The following DIP2C variants were observed in gnomAD, a reference collection of about 807,000 sequenced individuals.
DIP2C encodes the protein DIP2 acetate--CoA ligase C (putative).
Under a neutral mutation model 192.4 loss-of-function variants are expected in DIP2C, and 33 were observed. The ratio of observed to expected loss-of-function variants is 0.17; its 90% confidence interval spans 0.13 to 0.23. The LOEUF (loss-of-function observed/expected upper bound fraction) is 0.23. Ranked by LOEUF, DIP2C falls within the 10% of genes least tolerant of loss-of-function variation. The probability of loss-of-function intolerance (pLI) is 1.00; values close to 1 mark genes in which losing one functional copy is unlikely to be tolerated. For synonymous variants in DIP2C, 979 were observed against 864.1 expected (o/e 1.13, Z -2.33); for missense variants, 1,537 against 2,110.1 (o/e 0.73, Z 5.32).
In DIP2C at chr10:472,572, G is replaced by A. The variant is rs770106798; in HGVS notation, c.158-23C>T. On this transcript the variant is annotated intron_variant, in intron 2 of 36. Transcript: ENST00000280886. ...CCCCTGGATTTCAATAAAAACAGCA[G>A]AGTGAGGTGTGACTGTACTCAGCGG... The A allele has an allele frequency of 3.8e-6, 6 of 1,596,684 alleles. No homozygotes were observed. In the African/African-American group the frequency reaches 8.1e-5, roughly 21 times the overall value.
At chr10:284,603 G>C (rs1170925898) in intron 34 of DIP2C, among the ~76,000 whole-genome samples, 1 of 152,214 alleles carries the variant, frequency 6.6e-6, no homozygotes, top group Non-Finnish European at 1.5e-5. Context: ...AGTGGCAAGG[G>C]GGAGATGACG....
intron 5 of DIP2C, among the ~76,000 whole-genome samples, chr10:422,352 G>T (rs1230951233): frequency 6.6e-6 from 1 of 152,172 alleles, no homozygotes; most frequent in Admixed American, 6.5e-5. Flanking sequence ...CTAACTTTGT[G>T]CTTTTTCTCA....
At chr10:626,224 G>C (rs943742275) in intron 1 of DIP2C, among the ~76,000 whole-genome samples, 3 of 152,220 alleles carry the variant, frequency 2.0e-5, no homozygotes, top group Non-Finnish European at 2.9e-5. Flanking sequence ...TCACTGTCCA[G>C]ATGGGAAACT....
intron 28 of DIP2C, among the ~76,000 whole-genome samples, chr10:344,539 C>G (rs1365042786): frequency 2.0e-5 from 3 of 152,180 alleles, no homozygotes; most frequent in African/African-American, 4.8e-5. Flanking sequence ...ATTTGAGAAC[C>G]AGCAAGAGAA....
At position 336,066 on chromosome 10, in the gene DIP2C, T is replaced by TA. The variant is rs769339224; in HGVS notation, c.3584+5132dup. On this transcript the variant is annotated intron_variant, in intron 29 of 36. Coordinates refer to ENST00000280886, the MANE Select transcript of DIP2C (RefSeq NM_014974.3). ...GCGCACACCACTACACCCGGCTAACTAAAAAAAAAATGTTTTTGTAGGCTA... is the reference window on the plus strand; with the variant it reads ...GCGCACACCACTACACCCGGCTAACTAAAAAAAAAAATGTTTTTGTAGGCTA... 1.1e-3 allele frequency among the ~76,000 whole-genome samples: 163 copies of TA among 149,158 alleles called. 1 individual carries two copies. The highest frequency in any genetic ancestry group is 3.4e-3 in the African/African-American group (140 of 40,764).
At chr10:422,364 A>G (rs1359677473) in intron 5 of DIP2C, among the ~76,000 whole-genome samples, 1 of 151,946 alleles carries the variant, frequency 6.6e-6, no homozygotes, top group Non-Finnish European at 1.5e-5. Flanking sequence ...TTTTTCTCAT[A>G]CAGAGTATCT....
chr10:569,406 A>G (rs1374018930), intron 1 of DIP2C, among the ~76,000 whole-genome samples: 1 of 152,044 alleles, frequency 6.6e-6, no homozygotes, highest in Non-Finnish European at 1.5e-5. Flanking sequence ...AATTCAGCTA[A>G]GTATTATAGT....
At chr10:434,014 A>C (rs1321377916) in intron 4 of DIP2C, among the ~76,000 whole-genome samples, 1 of 152,032 alleles carries the variant, frequency 6.6e-6, no homozygotes, top group Non-Finnish European at 1.5e-5. Flanking sequence ...ATAAATTCAC[A>C]AGTAACCCAA....
intron 1 of DIP2C, among the ~76,000 whole-genome samples, chr10:631,629 A>G (rs960664902): frequency 7.9e-5 from 12 of 152,220 alleles, no homozygotes; most frequent in Admixed American, 7.2e-4. Context: ...TTGTTTTTAA[A>G]TATTTTTATA....
intron 1 of DIP2C, among the ~76,000 whole-genome samples, chr10:539,921 C>G (rs1847888421): frequency 1.3e-5 from 2 of 152,178 alleles, no homozygotes; most frequent in South Asian, 4.2e-4. Context: ...ATTACAAACC[C>G]CTAAATATGA....
chr10:571,165 C>T (rs948640340), intron 1 of DIP2C, among the ~76,000 whole-genome samples: 2 of 152,220 alleles, frequency 1.3e-5, no homozygotes, highest in Non-Finnish European at 2.9e-5. Flanking sequence ...TCAGCTAAAC[C>T]GGGAAAAATC....
chr10:337,382 T>A (rs1270129556), intron 29 of DIP2C, among the ~76,000 whole-genome samples: 3 of 138,662 alleles, frequency 2.2e-5, no homozygotes, highest in Non-Finnish European at 4.6e-5. Context: ...TAGGCAGCTG[T>A]GTGTGTGTCG....
intron 10 of DIP2C, among the ~76,000 whole-genome samples, chr10:394,968 G>A (rs1481377565): frequency 2.0e-5 from 3 of 152,126 alleles, no homozygotes; most frequent in Non-Finnish European, 4.4e-5. Flanking sequence ...CAGTGAGGAG[G>A]GAAGCCTGCC....
At chr10:361,002 C>G (rs56400883) in intron 22 of DIP2C, among the ~76,000 whole-genome samples, 42,089 of 151,960 alleles carry the variant, frequency 0.28, 7,319 homozygotes, top group Non-Finnish European at 0.39. Context: ...CTCTGTGGTT[C>G]GAAGCTGGGG....
At chr10:336,931 C>T in intron 29 of DIP2C, among the ~76,000 whole-genome samples, 1 of 32,558 alleles carries the variant, frequency 3.1e-5, no homozygotes, top group Non-Finnish European at 9.4e-5. Flanking sequence ...TTGTGGAGGC[C>T]TAGACTGGTG....
intron 32 of DIP2C, among the ~76,000 whole-genome samples, chr10:304,303 T>C (rs770595481): frequency 1.3e-5 from 2 of 152,150 alleles, no homozygotes; most frequent in Non-Finnish European, 2.9e-5. Flanking sequence ...ATTTTTCAGC[T>C]TCATTACAGT....
At chr10:662,900 G>A (rs534407504) in intron 1 of DIP2C, 88 of 717,560 alleles carry the variant, frequency 1.2e-4, no homozygotes, top group South Asian at 6.2e-4. Context: ...TGGAAGAGGC[G>A]TGAACACTCT....
At chr10:619,254 C>A (rs1041727471) in intron 1 of DIP2C, among the ~76,000 whole-genome samples, 8 of 152,206 alleles carry the variant, frequency 5.3e-5, no homozygotes, top group Non-Finnish European at 1.2e-4. Context: ...TATTAAATCA[C>A]CCCAAACTTA....
chr10:441,643 G>GACAT (rs1307706167), intron 3 of DIP2C, among the ~76,000 whole-genome samples: 1 of 152,174 alleles, frequency 6.6e-6, no homozygotes, highest in Non-Finnish European at 1.5e-5. Context: ...TCTTGCTGCT[G>GACAT]ACATGTAAAA....
Sources: gnomAD v4.1 joint callset for allele counts (sites outside exome capture counted in the v4.1 genomes callset) on GRCh38, gnomAD v4.1.1 for gene constraint, MANE v1.5 for transcripts, NCBI Gene and HGNC (gene_info 2026-07-23, HGNC 2026-07-21) for gene names.